DPYSL2: variants seen among roughly 807,000 people sequenced by gnomAD.
The protein encoded by DPYSL2 is dihydropyrimidinase like 2.
DPYSL2 carries 13 observed loss-of-function variants against 69.9 expected under a neutral mutation model. The observed-to-expected ratio is 0.19, with a 90% CI of 0.12 to 0.30. The LOEUF (loss-of-function observed/expected upper bound fraction) is 0.30, where lower values mean the gene tolerates loss of function less well. DPYSL2 is among the 10% of genes least tolerant of loss of function. The pLI is 1.00. For synonymous variants in DPYSL2, 326 were observed against 359.1 expected, an observed-to-expected ratio of 0.91 and a Z score of 1.04; for missense variants, 587 against 918.9, an observed-to-expected ratio of 0.64 and a Z score of 4.67.
intron 1 of DPYSL2, chr8:26,577,992 C>A: frequency 8.0e-7 from 1 of 1,252,530 alleles, no homozygotes; most frequent in South Asian, 1.8e-5. Context: ...TCTCTCTCTC[C>A]TTCTCTCTCT....
At chr8:26,639,731 C>T (rs1322491187) in intron 8 of DPYSL2, among the ~76,000 whole-genome samples, 1 of 152,144 alleles carries the variant, frequency 6.6e-6, no homozygotes, top group Non-Finnish European at 1.5e-5. Flanking sequence ...CACCTAGAAC[C>T]TTGCCTCTTA....
Position 26,514,748 on chromosome 8 carries a change from C to T in DPYSL2, c.354+69C>T, listed in dbSNP as rs1409221449. Reference sequence around the variant, plus strand: ...GGATCGCCCCTCCCTCGCCCCTGAGCCCGGCGCGCCCGCCTTCATGCCCCG... The same window carrying T: ...GGATCGCCCCTCCCTCGCCCCTGAGTCCGGCGCGCCCGCCTTCATGCCCCG... On this transcript the variant is annotated intron_variant, in intron 1 of 13. Coordinates refer to ENST00000521913, the MANE Select transcript of DPYSL2 (RefSeq NM_001197293.3). This position sits in a 1 kb window ranked among gnomAD's most constrained non-coding sequence, Gnocchi z 8.4. The T allele has an allele frequency of 4.8e-5, 61 of 1,278,278 alleles. No homozygotes were observed. The highest frequency in any genetic ancestry group is 2.1e-4 in the South Asian group (12 of 56,956). 79.2% of individuals were successfully genotyped at this position (1,278,278 alleles called of 1,614,324 possible).
chr8:26,609,873 G>A lies in DPYSL2; in HGVS notation c.629-14270G>A, dbSNP rs775802649. On this transcript the variant is annotated intron_variant, in intron 3 of 13. Coordinates refer to ENST00000521913, the MANE Select transcript of DPYSL2 (RefSeq NM_001197293.3). The surrounding 1 kb of genome is among the most constrained non-coding windows in gnomAD (Gnocchi z 6.5). The stretch of plus-strand genomic sequence containing the variant: ...GACTTTGTGGTCAAAACTGGGAAGT[G>A]TCTGTTTCCTTAAAACAGCCTTTCC... 4.3e-4 allele frequency among the ~76,000 whole-genome samples: 66 copies of A among 152,224 alleles called. No individual in the cohort carries two copies. The highest frequency in any genetic ancestry group is 2.1e-3 in the Admixed American group (32 of 15,286).
intron 3 of DPYSL2, among the ~76,000 whole-genome samples, chr8:26,607,813 C>T (rs1407860436): frequency 2.0e-5 from 3 of 151,768 alleles, no homozygotes; most frequent in African/African-American, 7.3e-5. Flanking sequence ...GGTGTGGTGG[C>T]TAATGCCTGT....
chr8:26,576,383 C>G (rs914751007), intron 1 of DPYSL2, among the ~76,000 whole-genome samples: 1 of 151,950 alleles, frequency 6.6e-6, no homozygotes, highest in Non-Finnish European at 1.5e-5. Flanking sequence ...ACCCCCCAGC[C>G]CATGATTACG....
chr8:26,534,407 C>A lies in DPYSL2; in HGVS notation c.354+19728C>A, dbSNP rs556951737. ...CTCCTGGGCTCAAATGATCCACCCCCCTTACCCTCCCAAAATACTAGGATT... is the reference window on the plus strand; with the variant it reads ...CTCCTGGGCTCAAATGATCCACCCCACTTACCCTCCCAAAATACTAGGATT... On this transcript the variant is annotated intron_variant, in intron 1 of 13. Coordinates refer to ENST00000521913, the MANE Select transcript of DPYSL2 (RefSeq NM_001197293.3). Among the ~76,000 whole-genome samples, 58 of 152,130 alleles carry A rather than the reference C, an allele frequency of 3.8e-4. 1 individual carries two copies. The highest frequency in any genetic ancestry group is 1.1e-3 in the African/African-American group (44 of 41,526).
chr8:26,557,372 AG>A (rs1481255253), intron 1 of DPYSL2, among the ~76,000 whole-genome samples: 2 of 152,066 alleles, frequency 1.3e-5, no homozygotes, highest in East Asian at 1.9e-4. Flanking sequence ...AACACCCAAT[AG>A]AAAAGTGGGC....
intron 1 of DPYSL2, among the ~76,000 whole-genome samples, chr8:26,537,611 T>TAC (rs56080102): frequency 3.3e-4 from 48 of 147,646 alleles, no homozygotes; most frequent in South Asian, 8.8e-4. Context: ...ATTCTCTCTC[T>TAC]ACACACACAC....
At chr8:26,612,219 T>TG (rs950503537) in intron 3 of DPYSL2, among the ~76,000 whole-genome samples, 3 of 152,206 alleles carry the variant, frequency 2.0e-5, no homozygotes, top group Non-Finnish European at 4.4e-5. Flanking sequence ...CAGCGCTGTC[T>TG]GGGGTGACAT....
intron 1 of DPYSL2, among the ~76,000 whole-genome samples, chr8:26,557,623 CAA>C (rs56215906): frequency 1.3e-5 from 1 of 74,318 alleles, no homozygotes; most frequent in African/African-American, 5.6e-5. Flanking sequence ...ACTAAAAATA[CAA>C]AAAAAAAAAA....
rs147994989 is a variant in DPYSL2 at position 26,620,739 on chromosome 8, C to G, written c.629-3404C>G. On this transcript the variant is annotated intron_variant, in intron 3 of 13. Coordinates refer to ENST00000521913, the MANE Select transcript of DPYSL2 (RefSeq NM_001197293.3). The surrounding 1 kb of genome is among the most constrained non-coding windows in gnomAD (Gnocchi z 4.5). ...ACTATGAGCATGTGGGTCTTAGTGTCACCAGTACTTATCCTTCTTCTTAGG... is the reference window on the plus strand; with the variant it reads ...ACTATGAGCATGTGGGTCTTAGTGTGACCAGTACTTATCCTTCTTCTTAGG... 6.6e-6 allele frequency among the ~76,000 whole-genome samples: 1 copy of G among 152,058 alleles called. No homozygotes were observed. The highest frequency in any genetic ancestry group is 2.4e-5 in the African/African-American group (1 of 41,398).
chr8:26,633,205 C>G (rs1346528210), intron 7 of DPYSL2, among the ~76,000 whole-genome samples: 2 of 152,180 alleles, frequency 1.3e-5, no homozygotes, highest in Non-Finnish European at 2.9e-5. Context: ...ACATTGGGAG[C>G]TATTGGGGGC....
chr8:26,572,742 C>T (rs77074514), intron 1 of DPYSL2, among the ~76,000 whole-genome samples: 1,976 of 152,208 alleles, frequency 0.013, 27 homozygotes, highest in Middle Eastern at 0.075. Flanking sequence ...TCAGGTGATC[C>T]GCCCACTTCA....
At chr8:26,632,704 C>T (rs931390091) in intron 7 of DPYSL2, among the ~76,000 whole-genome samples, 3 of 152,128 alleles carry the variant, frequency 2.0e-5, no homozygotes, top group African/African-American at 7.2e-5. Context: ...ACCTGTATCT[C>T]TGGGAGGTGC....
In DPYSL2 at chr8:26,634,782, C is replaced by G. The variant is rs569990259; in HGVS notation, c.1008C>G (p.Val336=). ...EGHVLSRPEE[V]EAEAVNRAIT... ...CATGCTCTGCTGCTGTTTTGCAGGT[C>G]GAGGCCGAAGCCGTGAATCGTGCCA... is the stretch of plus-strand genomic sequence containing the variant. The change falls in exon 8 of 14, where the codon GTC becomes GTG. Residue 336 remains valine, a splice_region_variant and synonymous_variant. Coordinates refer to ENST00000521913, the MANE Select transcript of DPYSL2 (RefSeq NM_001197293.3). 6 of 1,613,958 alleles carry G rather than the reference C, an allele frequency of 3.7e-6. No homozygotes were observed. The African/African-American group carries it at 5.3e-5, about 14-fold the overall frequency.
chr8:26,547,775 A>C (rs1800802799), intron 1 of DPYSL2: 1 of 319,712 alleles, frequency 3.1e-6, no homozygotes, highest in Non-Finnish European at 6.5e-6. Context: ...TTCAGGCAAA[A>C]TCTTTTCCAG....
rs1295504425 is a variant in DPYSL2 at position 26,586,160 on chromosome 8, G to A, written c.628+2177G>A. On this transcript the variant is annotated intron_variant, in intron 3 of 13. Transcript: ENST00000521913. This position sits in a 1 kb window ranked among gnomAD's most constrained non-coding sequence, Gnocchi z 4.7. ...ATGGTCAGTGTCATCTATCATTGGA[G>A]AGGGAAATGCCCCCAGCCAGGAGTT... 6.6e-6 allele frequency among the ~76,000 whole-genome samples: 1 copy of A among 152,140 alleles called. No homozygotes were observed. The highest frequency in any genetic ancestry group is 1.5e-5 in the Non-Finnish European group (1 of 68,028).
intron 1 of DPYSL2, chr8:26,577,731 A>G (rs1019539944): frequency 2.5e-5 from 22 of 883,756 alleles, no homozygotes; most frequent in Non-Finnish European, 2.8e-5. Flanking sequence ...GCGCGCTCCC[A>G]GCGCGGGCGC....
At chr8:26,528,518 G>A (rs1808522174) in intron 1 of DPYSL2, among the ~76,000 whole-genome samples, 1 of 151,790 alleles carries the variant, frequency 6.6e-6, no homozygotes, top group Admixed American at 6.6e-5. Flanking sequence ...ATGGTGACTT[G>A]CGCCTGTAGC....
Sources: allele counts gnomAD v4.1 joint callset (sites outside exome capture counted in the v4.1 genomes callset), GRCh38; gene constraint gnomAD v4.1.1; non-coding constraint Gnocchi (gnomAD v3.1); transcripts MANE v1.5; gene names NCBI Gene and HGNC (gene_info 2026-07-23, HGNC 2026-07-21).